The following MEIKIN variants were observed in gnomAD, a reference collection of about 807,000 sequenced individuals.
The protein encoded by MEIKIN is meiotic kinetochore factor, also known as meiosis-specific kinetochore protein.
At chr5:131,911,785 C>T (rs934324359) in intron 8 of MEIKIN, 30 bp downstream of exon 8, 2 of 396,622 alleles carry the variant, frequency 5.0e-6, no homozygotes, top group African/African-American at 4.1e-5. Context: ...ACAATTACTA[C>T]ATAAAATAAT....
chr5:131,885,077 C>T (rs568638806), intron 8 of MEIKIN, among the ~76,000 whole-genome samples: 1 of 152,298 alleles, frequency 6.6e-6, no homozygotes, highest in South Asian at 2.1e-4. Flanking sequence ...GACAGCCACT[C>T]TGGACCTGCC....
intron 11 of MEIKIN, among the ~76,000 whole-genome samples, chr5:131,842,017 T>G (rs1561729276): frequency 6.6e-6 from 1 of 152,282 alleles, no homozygotes. Flanking sequence ...CTTTTTTTTT[T>G]TGAGACAGAG....
chr5:131,889,552 C>T (rs912200250), intron 8 of MEIKIN, among the ~76,000 whole-genome samples: 1 of 152,168 alleles, frequency 6.6e-6, no homozygotes, highest in Non-Finnish European at 1.5e-5. Flanking sequence ...GATTTTTGCA[C>T]ATTAATTTTG....
chr5:131,885,264 A>T (rs1367094131), intron 8 of MEIKIN, among the ~76,000 whole-genome samples: 1 of 151,864 alleles, frequency 6.6e-6, no homozygotes, highest in Non-Finnish European at 1.5e-5. Flanking sequence ...GACCAAGCAC[A>T]GTCCCAGTAT....
At chr5:131,846,609 C>T (rs1266732813) in intron 11 of MEIKIN, among the ~76,000 whole-genome samples, 3 of 151,942 alleles carry the variant, frequency 2.0e-5, no homozygotes, top group Non-Finnish European at 4.4e-5. Flanking sequence ...CTGCTTAGGC[C>T]CAGGAGTTGG....
chr5:131,815,270 G>A (rs776571233), intron 12 of MEIKIN, among the ~76,000 whole-genome samples: 12 of 152,216 alleles, frequency 7.9e-5, no homozygotes, highest in Non-Finnish European at 1.6e-4. Context: ...ATGGCCTTTT[G>A]AAGATTCAGT....
At position 131,928,013 on chromosome 5, in the gene MEIKIN, G is replaced by A. The variant is rs529770375; in HGVS notation, c.478+5500C>T. On this transcript the variant is annotated intron_variant, in intron 5 of 12. Transcript: ENST00000442687. ...ACAAAAATTAGCCGGGCACGGTGGC[G>A]CGCGCCTGTAGTCCCAGCTACACGG... 1.1e-3 allele frequency among the ~76,000 whole-genome samples: 171 copies of A among 151,748 alleles called. 1 individual carries two copies. Among genetic ancestry groups the A allele is most frequent in the African/African-American group, 3.8e-3 (157 of 41,326 alleles).
intron 11 of MEIKIN, among the ~76,000 whole-genome samples, chr5:131,834,365 CTTA>C (rs1484213401): frequency 6.6e-6 from 1 of 152,136 alleles, no homozygotes; most frequent in African/African-American, 2.4e-5. Flanking sequence ...AATATGTTCT[CTTA>C]TTATATTTCA....
At chr5:131,858,817 G>A (rs61296487) in intron 9 of MEIKIN, among the ~76,000 whole-genome samples, 4,427 of 152,152 alleles carry the variant, frequency 0.029, 211 homozygotes, top group African/African-American at 0.097. Flanking sequence ...GCCAACAAGC[G>A]TATGAAAAAA....
At chr5:131,850,815 C>T (rs545296318) in intron 11 of MEIKIN, among the ~76,000 whole-genome samples, 1 of 152,128 alleles carries the variant, frequency 6.6e-6, no homozygotes, top group Non-Finnish European at 1.5e-5. Context: ...TGGTGTATGC[C>T]TGCAGTCCTA....
chr5:131,872,659 T>C, intron 9 of MEIKIN, among the ~76,000 whole-genome samples: 1 of 152,124 alleles, frequency 6.6e-6, no homozygotes, highest in East Asian at 1.9e-4. Context: ...ACCACAAAGA[T>C]ACTCCTCGAG....
At chr5:131,857,124 A>G (rs1185695112) in intron 9 of MEIKIN, among the ~76,000 whole-genome samples, 3 of 152,160 alleles carry the variant, frequency 2.0e-5, no homozygotes, top group Non-Finnish European at 4.4e-5. Context: ...TTAGATAATG[A>G]GAGTTTAACT....
chr5:131,864,201 T>G (rs919366947), intron 9 of MEIKIN, among the ~76,000 whole-genome samples: 12 of 152,206 alleles, frequency 7.9e-5, no homozygotes, highest in African/African-American at 2.9e-4. Flanking sequence ...TCCTGTTATA[T>G]TCTTAATTGT....
chr5:131,863,401 CT>C (rs1463047817), intron 9 of MEIKIN, among the ~76,000 whole-genome samples: 2 of 152,068 alleles, frequency 1.3e-5, no homozygotes, highest in Non-Finnish European at 2.9e-5. Context: ...GTGTTGAAGT[CT>C]CCCCCATTAC....
chr5:131,929,430 G>A (rs1318467193), intron 5 of MEIKIN, among the ~76,000 whole-genome samples: 1 of 152,100 alleles, frequency 6.6e-6, no homozygotes, highest in Non-Finnish European at 1.5e-5. Context: ...TAATGCAAAT[G>A]TTGGTCTGCT....
chr5:131,912,430 C>T, intron 7 of MEIKIN, among the ~76,000 whole-genome samples: 1 of 151,834 alleles, frequency 6.6e-6, no homozygotes, highest in East Asian at 1.9e-4. Flanking sequence ...AACTAGACAA[C>T]CCCCAGTTCT....
chr5:131,879,199 A>T (rs905231886), intron 8 of MEIKIN, among the ~76,000 whole-genome samples, 151 bp from the exon 9 acceptor site: 1 of 152,240 alleles, frequency 6.6e-6, no homozygotes, highest in Non-Finnish European at 1.5e-5. Flanking sequence ...TAATTAAACA[A>T]GAAAAATTAA....
At chr5:131,931,181 T>C (rs929430586) in intron 5 of MEIKIN, among the ~76,000 whole-genome samples, 2 of 152,236 alleles carry the variant, frequency 1.3e-5, no homozygotes, top group African/African-American at 4.8e-5. Flanking sequence ...TCTTTGTTGT[T>C]ATCAGCCTCC....
chr5:131,907,845 C>G (rs181502730), intron 8 of MEIKIN, among the ~76,000 whole-genome samples: 8 of 152,124 alleles, frequency 5.3e-5, no homozygotes, highest in Admixed American at 2.6e-4. Flanking sequence ...GCACTCCAAC[C>G]TGGGCAACAG....
Sources: gnomAD v4.1 joint callset for allele counts (sites outside exome capture counted in the v4.1 genomes callset) on GRCh38, gnomAD v4.1.1 for gene constraint, MANE v1.5 for transcripts, NCBI Gene and HGNC (gene_info 2026-07-23, HGNC 2026-07-21) for gene names.